Variants in SLC35F1 observed in about 807,000 individuals in gnomAD.
SLC35F1 encodes the protein solute carrier family 35 member F1.
Under a neutral mutation model 48.7 loss-of-function variants are expected in SLC35F1, and 14 were observed. The observed-to-expected ratio is 0.29, with a 90% CI of 0.19 to 0.45. The LOEUF (loss-of-function observed/expected upper bound fraction) is 0.45, where lower values mean the gene tolerates loss of function less well. SLC35F1 is among the 20% of genes least tolerant of loss of function. The probability of loss-of-function intolerance (pLI) is 1.00; values close to 1 mark genes in which losing one functional copy is unlikely to be tolerated. For missense variants in SLC35F1, 404 were observed against 500.0 expected (o/e 0.81, Z 1.83); for synonymous variants, 190 against 202.2 (o/e 0.94, Z 0.51).
At chr6:117,996,352 G>A (rs557699576) in intron 1 of SLC35F1, among the ~76,000 whole-genome samples, 3 of 152,260 alleles carry the variant, frequency 2.0e-5, no homozygotes, top group South Asian at 2.1e-4. Flanking sequence ...GAACAGCTCC[G>A]GTCTACAGCT....
At chr6:118,312,720 T>G (rs948706891) in intron 7 of SLC35F1, among the ~76,000 whole-genome samples, 4 of 152,202 alleles carry the variant, frequency 2.6e-5, no homozygotes, top group African/African-American at 9.7e-5. Context: ...TACCTTTTTT[T>G]ATGAGCCATT....
intron 2 of SLC35F1, among the ~76,000 whole-genome samples, chr6:118,211,882 T>C (rs1374531247): frequency 6.6e-6 from 1 of 152,212 alleles, no homozygotes; most frequent in Non-Finnish European, 1.5e-5. Flanking sequence ...TCAGAATAAA[T>C]TTAATACACA....
At chr6:118,216,475 A>AG (rs1353446569) in intron 2 of SLC35F1, among the ~76,000 whole-genome samples, 1 of 150,680 alleles carries the variant, frequency 6.6e-6, no homozygotes, top group African/African-American at 2.4e-5. Context: ...CAAAAAAAAA[A>AG]AAGAAAAGAA....
At chr6:117,952,294 A>G (rs1027518945) in intron 1 of SLC35F1, among the ~76,000 whole-genome samples, 10 of 152,072 alleles carry the variant, frequency 6.6e-5, no homozygotes, top group African/African-American at 2.2e-4. Context: ...TTTGTTTTTA[A>G]TTAGAATGTT....
At chr6:117,925,215 G>A (rs1425495147) in intron 1 of SLC35F1, among the ~76,000 whole-genome samples, 2 of 152,042 alleles carry the variant, frequency 1.3e-5, no homozygotes, top group Non-Finnish European at 2.9e-5. Flanking sequence ...TGGAGTCCAG[G>A]GCATGGAGAT....
chr6:117,994,179 C>A (rs1411097294), intron 1 of SLC35F1, among the ~76,000 whole-genome samples: 1 of 147,808 alleles, frequency 6.8e-6, no homozygotes, highest in Non-Finnish European at 1.5e-5. Context: ...CTCCTGAAGG[C>A]CACCTGCATT....
intron 2 of SLC35F1, among the ~76,000 whole-genome samples, chr6:118,208,485 C>G (rs1282316741): frequency 1.4e-4 from 21 of 152,122 alleles, no homozygotes; most frequent in Admixed American, 1.4e-3. Flanking sequence ...TCTCTGATTT[C>G]TTTATAAATC....
intron 3 of SLC35F1, among the ~76,000 whole-genome samples, chr6:118,253,399 G>A (rs754453024): frequency 1.3e-5 from 2 of 152,142 alleles, no homozygotes; most frequent in African/African-American, 2.4e-5. Context: ...CATTTTGATC[G>A]TGTTTGGGGA....
Position 118,314,393 on chromosome 6 carries a change from G to T in SLC35F1, c.*141G>T. ...AAGGTAGCAAATCCTCCAAAAGCTT[G>T]TGAAAGGAACAAGCTCAACATCACT... On this transcript the variant is annotated 3_prime_UTR_variant, in exon 8 of 8. Coordinates refer to ENST00000360388, the MANE Select transcript of SLC35F1 (RefSeq NM_001029858.4). 1 of 711,994 alleles carries T rather than the reference G, an allele frequency of 1.4e-6. No individual in the cohort carries two copies. The highest frequency in any genetic ancestry group is 4.0e-4 in the Middle Eastern group (1 of 2,492). 44.1% of individuals were successfully genotyped at this position (711,994 alleles called of 1,614,324 possible). A position where few individuals can be genotyped will look rare whatever the true frequency, so the allele number is the denominator to read the frequency against.
chr6:118,259,488 T>A (rs1193008426), intron 3 of SLC35F1, among the ~76,000 whole-genome samples: 2 of 151,854 alleles, frequency 1.3e-5, no homozygotes, highest in African/African-American at 4.8e-5. Context: ...AATAAAATCA[T>A]CAAAAATACA....
intron 6 of SLC35F1, among the ~76,000 whole-genome samples, chr6:118,284,654 A>G (rs1017924453): frequency 1.3e-5 from 2 of 152,184 alleles, no homozygotes; most frequent in African/African-American, 4.8e-5. Context: ...CCAGCAATGA[A>G]TTCGTCCACC....
At chr6:118,264,403 G>A (rs932005198) in intron 3 of SLC35F1, among the ~76,000 whole-genome samples, 6 of 152,146 alleles carry the variant, frequency 3.9e-5, no homozygotes. Flanking sequence ...TGGCTTGATT[G>A]TATCCTTCTT....
chr6:118,146,710 G>A (rs1349787078), intron 1 of SLC35F1, among the ~76,000 whole-genome samples: 1 of 151,906 alleles, frequency 6.6e-6, no homozygotes, highest in Non-Finnish European at 1.5e-5. Context: ...GCAGGGCCAA[G>A]CATTCCTTTC....
chr6:118,038,798 T>G (rs1380282482), intron 1 of SLC35F1, among the ~76,000 whole-genome samples: 2 of 152,088 alleles, frequency 1.3e-5, no homozygotes, highest in Non-Finnish European at 2.9e-5. Flanking sequence ...ATTTTTAATT[T>G]TTTTGTAGAT....
intron 1 of SLC35F1, among the ~76,000 whole-genome samples, chr6:118,135,324 G>A (rs1773777522): frequency 6.6e-6 from 1 of 152,140 alleles, no homozygotes; most frequent in South Asian, 2.1e-4. Context: ...TAAACTCTTA[G>A]TCAATCATAA....
At chr6:118,101,549 CAG>C (rs1243173557) in intron 1 of SLC35F1, among the ~76,000 whole-genome samples, 2 of 152,140 alleles carry the variant, frequency 1.3e-5, no homozygotes, top group Non-Finnish European at 2.9e-5. Flanking sequence ...GGGATGGAGA[CAG>C]AGCTGTTCTA....
intron 1 of SLC35F1, among the ~76,000 whole-genome samples, chr6:117,944,663 G>T (rs984741561): frequency 2.0e-5 from 3 of 150,758 alleles, no homozygotes; most frequent in Non-Finnish European, 4.4e-5. Context: ...CGTATTAGTT[G>T]ATTTGTTTCA....
rs148399353 is a variant in SLC35F1, at chr6:117,949,881, G to A, written c.173+41982G>A. ...ATAACTGGGTTGGGGGGTGGTCTACGCACTTGATAATGTATCCTCTCAGGT... is the reference window on the plus strand; with the variant it reads ...ATAACTGGGTTGGGGGGTGGTCTACACACTTGATAATGTATCCTCTCAGGT... On this transcript the variant is annotated intron_variant, in intron 1 of 7. Transcript: ENST00000360388. Among the ~76,000 whole-genome samples, 376 of 152,180 alleles carry A rather than the reference G, an allele frequency of 2.5e-3. 3 individuals carry two copies. The highest frequency in any genetic ancestry group is 8.6e-3 in the African/African-American group (357 of 41,518).
At chr6:118,243,359 A>G (rs1292029565) in intron 3 of SLC35F1, among the ~76,000 whole-genome samples, 1 of 152,158 alleles carries the variant, frequency 6.6e-6, no homozygotes, top group African/African-American at 2.4e-5. Context: ...CATGCCTGCA[A>G]TCCCAGCACT....
Sources: allele counts gnomAD v4.1 joint callset (sites outside exome capture counted in the v4.1 genomes callset), GRCh38; gene constraint gnomAD v4.1.1; transcripts MANE v1.5; gene names NCBI Gene and HGNC (gene_info 2026-07-23, HGNC 2026-07-21).